The following RAP1GAP2 variants were observed in gnomAD, a reference collection of about 807,000 sequenced individuals.
RAP1GAP2 encodes rap1 GTPase-activating protein 2.
Under a neutral mutation model 95.0 loss-of-function variants are expected in RAP1GAP2, and 27 were observed. That is an observed-to-expected ratio of 0.28 (90% confidence interval 0.21 to 0.39). The LOEUF (loss-of-function observed/expected upper bound fraction) is 0.39. Ranked by LOEUF, RAP1GAP2 falls within the 10% of genes least tolerant of loss-of-function variation. RAP1GAP2 has a pLI of 1.00. For synonymous variants in RAP1GAP2, 373 were observed against 380.9 expected, an observed-to-expected ratio of 0.98 and a Z score of 0.24; for missense variants, 771 against 970.0, an observed-to-expected ratio of 0.79 and a Z score of 2.72.
chr17:2,772,855 C>CTTTCTTTTTT (rs1555540245), upstream of RAP1GAP2, among the ~76,000 whole-genome samples: 3 of 126,040 alleles, frequency 2.4e-5, no homozygotes, highest in African/African-American at 5.7e-5. Flanking sequence ...TTCTTTCTTT[C>CTTTCTTTTTT]TTTTTTTTTT....
intron 1 of RAP1GAP2, among the ~76,000 whole-genome samples, chr17:2,757,510 C>T (rs2071169410): frequency 6.6e-6 from 1 of 152,074 alleles, no homozygotes; most frequent in Non-Finnish European, 1.5e-5. Context: ...ATCGCCCGAC[C>T]ACAGCGCCTG....
chr17:2,814,288 C>T (rs959258579), intron 2 of RAP1GAP2, among the ~76,000 whole-genome samples: 17 of 152,176 alleles, frequency 1.1e-4, no homozygotes, highest in Non-Finnish European at 2.2e-4. Flanking sequence ...ACAATCGTGC[C>T]TCCTCTTGAT....
intron 13 of RAP1GAP2, among the ~76,000 whole-genome samples, chr17:2,996,234 C>G (rs2151580404): frequency 6.6e-6 from 1 of 152,300 alleles, no homozygotes; most frequent in Admixed American, 6.5e-5. Context: ...GGACGAGACC[C>G]CTGTCCCCAC....
At chr17:2,815,456 A>ATATTATTAT (rs10675930) in intron 2 of RAP1GAP2, among the ~76,000 whole-genome samples, 8,173 of 140,034 alleles carry the variant, frequency 0.058, 262 homozygotes, top group Middle Eastern at 0.066. Context: ...AACATCTCTG[A>ATATTATTAT]TATTATTATT....
intron 2 of RAP1GAP2, among the ~76,000 whole-genome samples, chr17:2,837,062 G>T (rs1415731804): frequency 6.6e-6 from 1 of 151,958 alleles, no homozygotes; most frequent in Non-Finnish European, 1.5e-5. Context: ...ACCAGTGTGG[G>T]CAACAAGGTG....
chr17:2,760,839 T>C (rs981799723), intron 1 of RAP1GAP2, among the ~76,000 whole-genome samples: 2 of 152,194 alleles, frequency 1.3e-5, no homozygotes, highest in Non-Finnish European at 2.9e-5. Context: ...TCATATTTTG[T>C]AGATTGCCAC....
At chr17:3,000,414 A>G (rs2046113868) in intron 14 of RAP1GAP2, among the ~76,000 whole-genome samples, 2 of 151,844 alleles carry the variant, frequency 1.3e-5, no homozygotes, top group Admixed American at 1.3e-4. Context: ...AATCAGCCTC[A>G]GGGCCTTCCT....
At position 2,963,498 on chromosome 17, in the gene RAP1GAP2, G is replaced by T; in HGVS notation, c.279+36G>T. ...TCCCCTCACTCCCACCTGCCCTGCA[G>T]CCTGCTCTGGGTCCCGTCCCTGGGG... On this transcript the variant is annotated intron_variant, in intron 6 of 24. Transcript: ENST00000254695. This position sits in a 1 kb window ranked among gnomAD's most constrained non-coding sequence, Gnocchi z 4.8. The T allele has an allele frequency of 6.2e-7, 1 of 1,613,356 alleles. No individual in the cohort carries two copies. The highest frequency in any genetic ancestry group is 1.1e-5 in the South Asian group (1 of 91,076).
At chr17:2,916,058 A>G (rs575623576) in intron 3 of RAP1GAP2, among the ~76,000 whole-genome samples, 1 of 152,194 alleles carries the variant, frequency 6.6e-6, no homozygotes, top group Non-Finnish European at 1.5e-5. Context: ...TTAATTATGT[A>G]TGGCAGTATG....
intron 2 of RAP1GAP2, among the ~76,000 whole-genome samples, chr17:2,885,015 C>G (rs1597508340): frequency 7.1e-6 from 1 of 141,192 alleles, no homozygotes; most frequent in Non-Finnish European, 1.6e-5. Flanking sequence ...AGGCACATTT[C>G]TTTTATTTCT....
intron 3 of RAP1GAP2, among the ~76,000 whole-genome samples, chr17:2,954,742 C>T (rs1047320495): frequency 1.3e-5 from 2 of 151,858 alleles, no homozygotes; most frequent in East Asian, 1.9e-4. Flanking sequence ...TACAGGTACC[C>T]GCCGCCAAGC....
chr17:2,767,983 C>A lies in RAP1GAP2; in HGVS notation c.51-2346C>A, dbSNP rs185450883. ...TCCTGACCTCGTGATCCATCTGCCT[C>A]GGCCTCCCAAAGTGCTGGGATTACA... On this transcript the variant is annotated intron_variant, in intron 1 of 25. Transcript: ENST00000637138. 1.9e-3 allele frequency among the ~76,000 whole-genome samples: 282 copies of A among 152,286 alleles called. 1 individual carries two copies. The highest frequency in any genetic ancestry group is 3.5e-3 in the Non-Finnish European group (237 of 68,012).
At chr17:2,816,161 C>T (rs903545454) in intron 2 of RAP1GAP2, among the ~76,000 whole-genome samples, 11 of 151,812 alleles carry the variant, frequency 7.2e-5, no homozygotes, top group Admixed American at 2.0e-4. Context: ...AGGCCCGAGC[C>T]GGCTCCGGGG....
At position 2,904,529 on chromosome 17, in the gene RAP1GAP2, C is replaced by CGTGTGTGTGTGT. The variant is rs1400648500; in HGVS notation, c.81-755_81-754insGTGTGTGTGTGT. On this transcript the variant is annotated intron_variant, in intron 2 of 24. Transcript: ENST00000254695. The surrounding 1 kb of genome is among the most constrained non-coding windows in gnomAD (Gnocchi z 4.7). Reference sequence around the variant, plus strand: ...CCCGAGGACAGCTTTTTGACCAGGGCCTGTGTGTGTGTGTGTGTGTGTGTG... The same window carrying CGTGTGTGTGTGT: ...CCCGAGGACAGCTTTTTGACCAGGGCGTGTGTGTGTGTCTGTGTGTGTGTGTGTGTGTGTGTG... Among the ~76,000 whole-genome samples the CGTGTGTGTGTGT allele has an allele frequency of 3.0e-5, 1 of 33,648 alleles. No individual in the cohort carries two copies. The highest frequency in any genetic ancestry group is 8.8e-5 in the Non-Finnish European group (1 of 11,420). 22.1% of individuals were successfully genotyped at this position (33,648 alleles called of 152,430 possible).
intron 16 of RAP1GAP2, 115 bp from the exon 17 acceptor site, chr17:3,007,896 T>C (rs2046386029): frequency 7.7e-7 from 1 of 1,294,632 alleles, no homozygotes; most frequent in Admixed American, 2.4e-5. Context: ...ACACCGTTGC[T>C]GGGCCGGGCT....
Position 2,963,823 on chromosome 17 carries a change from C to T in RAP1GAP2, c.280-33C>T. ...CGGCCCCCTCCCTCCCCTGCGGTCC[C>T]AGGGGAGCGCACGACCCTCCCTCTG... On this transcript the variant is annotated intron_variant, in intron 6 of 24. Transcript: ENST00000254695. This position sits in a 1 kb window ranked among gnomAD's most constrained non-coding sequence, Gnocchi z 4.8. The T allele has an allele frequency of 6.6e-7, 1 of 1,521,254 alleles. No individual in the cohort carries two copies. The highest frequency in any genetic ancestry group is 8.9e-7 in the Non-Finnish European group (1 of 1,126,284). The allele number at this position is 1,521,254 out of a possible 1,614,324, so 94.2% of individuals were successfully genotyped here.
At chr17:2,757,064 CT>C (rs1226442047) in intron 1 of RAP1GAP2, among the ~76,000 whole-genome samples, 1 of 152,214 alleles carries the variant, frequency 6.6e-6, no homozygotes, top group Non-Finnish European at 1.5e-5. Flanking sequence ...AGTGGAATCA[CT>C]CTTCAAGTGA....
intron 2 of RAP1GAP2, among the ~76,000 whole-genome samples, chr17:2,883,753 G>A (rs1301273186): frequency 2.0e-5 from 3 of 152,126 alleles, no homozygotes; most frequent in African/African-American, 4.8e-5. Context: ...GCCGCAGGAT[G>A]ATTGGCAGAG....
At chr17:2,962,831 GACTCGCACC>G in intron 5 of RAP1GAP2, 117 bp downstream of exon 5, 1 of 1,000,472 alleles carries the variant, frequency 1.0e-6, no homozygotes, top group Non-Finnish European at 1.4e-6. Flanking sequence ...GTCTAACTCT[GACTCGCACC>G]ACGGGCCGCT....
Sources: gnomAD v4.1 joint callset for allele counts (sites outside exome capture counted in the v4.1 genomes callset) on GRCh38, gnomAD v4.1.1 for gene constraint, Gnocchi (gnomAD v3.1) non-coding constraint, MANE v1.5 for transcripts, NCBI Gene and HGNC (gene_info 2026-07-23, HGNC 2026-07-21) for gene names.